The following MYMK variants were observed in gnomAD, a reference collection of about 807,000 sequenced individuals.
The protein encoded by MYMK is myomaker, myoblast fusion factor, also known as protein myomaker.
MYMK carries 16 observed loss-of-function variants against 22.4 expected under a neutral mutation model. The ratio of observed to expected loss-of-function variants is 0.72; its 90% CI spans 0.48 to 1.09. The LOEUF is 1.09. Among genes scored for constraint, MYMK ranks in the 50% least tolerant of loss-of-function variants. The pLI is 0.00. For missense variants in MYMK, 250 were observed against 295.6 expected, an observed-to-expected ratio of 0.85 and a Z score of 1.13; for synonymous variants, 125 against 127.0, an observed-to-expected ratio of 0.98 and a Z score of 0.11.
At chr9:133,517,654 A>G (rs1844646972) in intron 3 of MYMK, among the ~76,000 whole-genome samples, 1 of 138,474 alleles carries the variant, frequency 7.2e-6, no homozygotes, top group African/African-American at 2.7e-5. Context: ...TGACAAGAGC[A>G]AAACTCCGTC....
intron 3 of MYMK, among the ~76,000 whole-genome samples, chr9:133,516,751 G>A (rs943911688): frequency 6.6e-6 from 1 of 152,186 alleles, no homozygotes; most frequent in Non-Finnish European, 1.5e-5. Context: ...CAGCCCTGCA[G>A]TAGTAACACC....
chr9:133,517,667 AAAAAAAAAAAAAAAAAAG>A (rs1844647863), intron 3 of MYMK, among the ~76,000 whole-genome samples: 1 of 24,816 alleles, frequency 4.0e-5, no homozygotes, highest in Non-Finnish European at 8.8e-5. Flanking sequence ...ACTCCGTCTC[AAAAAAAAAAAAAAAAAAG>A]TCAGGTTCTG....
intron 3 of MYMK, among the ~76,000 whole-genome samples, chr9:133,516,803 T>C (rs1420876477): frequency 6.6e-6 from 1 of 152,100 alleles, no homozygotes; most frequent in Non-Finnish European, 1.5e-5. Context: ...ACAGTGGGCC[T>C]GGCACTATTG....
chr9:133,520,342 G>A lies in MYMK; in HGVS notation c.136-54C>T, dbSNP rs540155531. On this transcript the variant is annotated intron_variant, in intron 1 of 4. Transcript: ENST00000339996. ...CACAAAGAGGCCAGAGCTGGTCCCC[G>A]AGCCACGGCCCCCAGAGTGCCAGGT... 25 of 1,437,406 alleles carry A rather than the reference G, an allele frequency of 1.7e-5. No individual in the cohort carries two copies. The East Asian group carries it at 4.4e-4, about 25-fold the overall frequency. 89.0% of individuals were successfully genotyped at this position (1,437,406 alleles called of 1,614,324 possible). A position where few individuals can be genotyped will look rare whatever the true frequency, so the allele number is the denominator to read the frequency against.
rs1265224456 is a variant in MYMK at position 133,515,798 on chromosome 9, A to ACCCAGCAGAGAC, written c.400-203_400-192dup. The stretch of plus-strand genomic sequence containing the variant: ...GCTGGACAGGGCCCTTCACGGTGCG[A>ACCCAGCAGAGAC]CCCAGCAGAGACCCCAGCCTGGATG... On this transcript the variant is annotated intron_variant, in intron 3 of 4. Coordinates refer to ENST00000339996, the MANE Select transcript of MYMK (RefSeq NM_001080483.3). The surrounding 1 kb of genome is among the most constrained non-coding windows in gnomAD (Gnocchi z 5.8). Among the ~76,000 whole-genome samples the ACCCAGCAGAGAC allele has an allele frequency of 6.6e-6, 1 of 151,894 alleles. No individual in the cohort carries two copies. Among genetic ancestry groups the ACCCAGCAGAGAC allele is most frequent in the Admixed American group, 6.5e-5 (1 of 15,270 alleles).
At chr9:133,520,142 G>T (rs765254292) in intron 2 of MYMK, 32 bp downstream of exon 2, 3 of 1,579,260 alleles carry the variant, frequency 1.9e-6, no homozygotes, top group African/African-American at 1.3e-5. Flanking sequence ...GTCCTTGTCC[G>T]CAAGGCTTGT....
chr9:133,523,711 G>T (rs1423436586), intron 1 of MYMK, among the ~76,000 whole-genome samples: 3 of 92,736 alleles, frequency 3.2e-5, no homozygotes, highest in Non-Finnish European at 5.1e-5. Flanking sequence ...GAGAGAGAGA[G>T]AGAGAGAGAC....
At position 133,514,772 on chromosome 9, in the gene MYMK, G is replaced by A. The variant is rs1373796950; in HGVS notation, c.530C>T (p.Thr177Ile). 6.2e-7 allele frequency: 1 copy of A among 1,613,920 alleles called. No homozygotes were observed. Among genetic ancestry groups the A allele is most frequent in the East Asian group, 2.2e-5 (1 of 44,878 alleles). The change falls in exon 5 of 5, where the codon ACT (threonine) becomes ATT (isoleucine). Residue 177 changes from threonine (T) to isoleucine (I), a missense_variant. By Grantham distance (89) the Thr-to-Ile change is moderately conservative. Coordinates refer to ENST00000339996, the MANE Select transcript of MYMK (RefSeq NM_001080483.3). Reference protein sequence around the residue: ...LRFFFEDWDYTYVHSFYHCAL... With the variant: ...LRFFFEDWDYIYVHSFYHCAL... ...ACAGTGGTAGAAGCTGTGGACATAAGTGTAGTCCCAGTCCTGCGGGGGGCA... is the reference window on the plus strand; with the variant it reads ...ACAGTGGTAGAAGCTGTGGACATAAATGTAGTCCCAGTCCTGCGGGGGGCA...
intron 3 of MYMK, among the ~76,000 whole-genome samples, chr9:133,516,417 C>T (rs973715452): frequency 1.3e-5 from 2 of 152,094 alleles, no homozygotes; most frequent in African/African-American, 4.8e-5. Context: ...GGGCCAGACC[C>T]GTGGGGGTAC....
At chr9:133,521,680 A>C (rs2131071476) in intron 1 of MYMK, among the ~76,000 whole-genome samples, 2 of 152,206 alleles carry the variant, frequency 1.3e-5, no homozygotes, top group Non-Finnish European at 2.9e-5. Flanking sequence ...GGTGGACATG[A>C]CTGTTTACCT....
rs572505113 is a variant in MYMK at position 133,514,599 on chromosome 9, G to A, written c.*37C>T. On this transcript the variant is annotated 3_prime_UTR_variant, in exon 5 of 5. Transcript: ENST00000339996. ...TGGGACTCTGGCCAAGTGTGAGCTG[G>A]GGAGGGCAGGGGCTCAGAGCCGGGC... 1.3e-6 allele frequency: 2 copies of A among 1,595,064 alleles called. No individual in the cohort carries two copies. Among genetic ancestry groups the A allele is most frequent in the African/African-American group, 1.3e-5 (1 of 74,678 alleles).
chr9:133,520,182 G>A lies in MYMK; in HGVS notation c.242C>T (p.Ser81Leu), dbSNP rs779862468. 43 of 1,613,596 alleles carry A rather than the reference G, an allele frequency of 2.7e-5. No homozygotes were observed. The East Asian group carries it at 3.1e-4, about 12-fold the overall frequency. ...VYGTALSMWV[S>L]LMALADFDEP... The stretch of plus-strand genomic sequence containing the variant: ...AGGGGTTGACCACTCACCCATCAGC[G>A]AGACCCACATGCTCAGGGCTGTCCC... The change falls in exon 2 of 5, where the codon TCG (serine) becomes TTG (leucine). Residue 81 changes from serine to leucine, a missense_variant. Physicochemically the swap from Ser to Leu is moderately radical, Grantham distance 145. Transcript: ENST00000339996.
chr9:133,524,647 G>A (rs955451100), intron 1 of MYMK, 63 bp downstream of exon 1: 11 of 1,611,556 alleles, frequency 6.8e-6, no homozygotes, highest in Non-Finnish European at 9.3e-6. Flanking sequence ...TGTGGACAGA[G>A]AGCCTCTCCT....
intron 1 of MYMK, 25 bp from the exon 2 acceptor site, chr9:133,520,313 A>G (rs1303193808): frequency 1.2e-6 from 2 of 1,602,436 alleles, no homozygotes; most frequent in Admixed American, 1.7e-5. Context: ...ACAGGTGGTC[A>G]CAGCACAAAG....
rs752952277 is a variant in MYMK, at chr9:133,520,147, G to T, written c.250+27C>A. 5.0e-6 allele frequency: 8 copies of T among 1,588,220 alleles called. No individual in the cohort carries two copies. The African/African-American group carries it at 8.1e-5, about 16-fold the overall frequency. ...TGGGGAGCCGGTCCTTGTCCGCAAG[G>T]CTTGTCTGCAGGGGTTGACCACTCA... On this transcript the variant is annotated intron_variant, in intron 2 of 4. Coordinates refer to ENST00000339996, the MANE Select transcript of MYMK (RefSeq NM_001080483.3).
In MYMK at chr9:133,523,660, A is replaced by T. The variant is rs538943826; in HGVS notation, c.135+1050T>A. Among the ~76,000 whole-genome samples, 4 of 148,892 alleles carry T rather than the reference A, an allele frequency of 2.7e-5. No homozygotes were observed. In the South Asian group the frequency reaches 6.7e-4, roughly 25 times the overall value. On this transcript the variant is annotated intron_variant, in intron 1 of 4. Coordinates refer to ENST00000339996, the MANE Select transcript of MYMK (RefSeq NM_001080483.3). Reference sequence around the variant, plus strand: ...AGACGAATAGATCACAGGTAGATGGATGCGTAGATAGAGAGATAGATGGAG... The same window carrying T: ...AGACGAATAGATCACAGGTAGATGGTTGCGTAGATAGAGAGATAGATGGAG...
Position 133,519,005 on chromosome 9 carries a change from C to T in MYMK, c.268G>A (p.Glu90Lys), listed in dbSNP as rs769380725. ...ATCACAAATGTTGACCTCTTGGGTTCGTCGAAGTCGGCCAGTGCTGGAGGG... is the reference window on the plus strand; with the variant it reads ...ATCACAAATGTTGACCTCTTGGGTTTGTCGAAGTCGGCCAGTGCTGGAGGG... ...VSLMALADFD[E>K]PKRSTFVMFG... is the part of the protein sequence containing the mutation. Residue 90 changes from glutamate to lysine, a missense_variant, in exon 3 of 5, where the codon GAA becomes AAA. By Grantham distance (56) the Glu-to-Lys change is moderately conservative. Coordinates refer to ENST00000339996, the MANE Select transcript of MYMK (RefSeq NM_001080483.3). 5.1e-5 allele frequency: 82 copies of T among 1,613,864 alleles called. No homozygotes were observed. The highest frequency in any genetic ancestry group is 8.3e-5 in the Admixed American group (5 of 60,028).
rs779947876 is a variant in MYMK at position 133,514,629 on chromosome 9, C to T, written c.*7G>A. ...GGCAGGGGCTCAGAGCCGGGCTGGG[C>T]GCAGCATCAGACACAAGCACAGCAC... On this transcript the variant is annotated 3_prime_UTR_variant, in exon 5 of 5. Coordinates refer to ENST00000339996, the MANE Select transcript of MYMK (RefSeq NM_001080483.3). The T allele has an allele frequency of 1.2e-5, 20 of 1,611,480 alleles. No homozygotes were observed. Among genetic ancestry groups the T allele is most frequent in the South Asian group, 6.6e-5 (6 of 90,854 alleles).
chr9:133,514,679 G>A lies in MYMK; in HGVS notation c.623C>T (p.Pro208Leu), dbSNP rs770470763. The part of the protein sequence containing the change: ...VNKKAGSPGT[P>L]AKLDCSTLCC... Reference sequence around the variant, plus strand: ...CAGGGTGGAGCAGTCCAGCTTGGCCGGGGTCCCCGGGGATCCAGCCTTCTT... The same window carrying A: ...CAGGGTGGAGCAGTCCAGCTTGGCCAGGGTCCCCGGGGATCCAGCCTTCTT... Residue 208 changes from proline (P) to leucine (L), a missense_variant, in exon 5 of 5, where the codon CCG (proline) becomes CTG (leucine). Physicochemically the swap from Pro to Leu is moderately conservative, Grantham distance 98. Transcript: ENST00000339996. The A allele has an allele frequency of 1.6e-5, 26 of 1,613,842 alleles. No individual in the cohort carries two copies. In the East Asian group the frequency reaches 2.2e-4, roughly 14 times the overall value.
Sources: gnomAD v4.1 joint callset for allele counts (sites outside exome capture counted in the v4.1 genomes callset) on GRCh38, gnomAD v4.1.1 for gene constraint, Gnocchi (gnomAD v3.1) non-coding constraint, MANE v1.5 for transcripts, NCBI Gene and HGNC (gene_info 2026-07-23, HGNC 2026-07-21) for gene names.